ERC2: variants seen among roughly 807,000 people sequenced by gnomAD.
The protein encoded by ERC2 is ERC protein 2.
ERC2 carries 42 observed loss-of-function variants against 114.8 expected under a neutral mutation model. That is an observed-to-expected ratio of 0.37 (90% CI 0.29 to 0.47). The LOEUF (loss-of-function observed/expected upper bound fraction) is 0.47. Among genes scored for constraint, ERC2 ranks in the 20% least tolerant of loss-of-function variants. The pLI, the probability that ERC2 is intolerant of heterozygous loss-of-function variation, is 0.99. For missense variants in ERC2, 939 were observed against 1,150.7 expected, an observed-to-expected ratio of 0.82 and a Z score of 2.66; for synonymous variants, 454 against 425.5, an observed-to-expected ratio of 1.07 and a Z score of -0.82.
chr3:56,031,604 A>C (rs1165291835), intron 7 of ERC2, among the ~76,000 whole-genome samples: 1 of 152,222 alleles, frequency 6.6e-6, no homozygotes, highest in African/African-American at 2.4e-5. Context: ...AATCAGGGAA[A>C]CTTGATACCA....
At chr3:56,436,328 G>T (rs552735778) in intron 1 of ERC2, among the ~76,000 whole-genome samples, 20 of 152,292 alleles carry the variant, frequency 1.3e-4, no homozygotes, top group African/African-American at 4.3e-4. Context: ...GTAAGAAATA[G>T]TAAGATGAGG....
intron 2 of ERC2, among the ~76,000 whole-genome samples, chr3:56,306,020 T>C (rs1189242122): frequency 1.3e-5 from 2 of 152,116 alleles, no homozygotes; most frequent in Non-Finnish European, 2.9e-5. Context: ...GGCTAACTTT[T>C]GTATTTTTAG....
intron 17 of ERC2, among the ~76,000 whole-genome samples, chr3:55,637,746 A>G (rs1186384043): frequency 1.3e-5 from 2 of 152,062 alleles, no homozygotes; most frequent in Non-Finnish European, 2.9e-5. Flanking sequence ...CTCTCTATCG[A>G]GCATCGTCAC....
intron 14 of ERC2, among the ~76,000 whole-genome samples, chr3:55,759,462 TAAAAAAAAAAAAAAA>T (rs540204065): frequency 0.011 from 380 of 36,076 alleles, 9 homozygotes; most frequent in African/African-American, 0.036. Context: ...TCTCTTTCAT[TAAAAAAAAAAAAAAA>T]AAAAAAAAAA....
chr3:55,784,154 T>C (rs2069287291), intron 14 of ERC2, among the ~76,000 whole-genome samples: 2 of 152,102 alleles, frequency 1.3e-5, no homozygotes, highest in Middle Eastern at 3.2e-3. Context: ...AAATTCTTTG[T>C]CTTTTGTTTT....
Position 56,403,467 on chromosome 3 carries a change from G to A in ERC2, c.657+30884C>T, listed in dbSNP as rs903653084. On this transcript the variant is annotated intron_variant, in intron 2 of 17. Coordinates refer to ENST00000288221, the MANE Select transcript of ERC2 (RefSeq NM_015576.3). ...GCAGGTGGTTACCACATGGGACAAT[G>A]CAGATATAGAATATTCCCATCCCTG... 2.0e-5 allele frequency among the ~76,000 whole-genome samples: 3 copies of A among 152,338 alleles called. No individual in the cohort carries two copies. The East Asian group carries it at 5.8e-4, about 29-fold the overall frequency.
intron 15 of ERC2, among the ~76,000 whole-genome samples, chr3:55,705,856 A>T (rs1229074080): frequency 6.7e-6 from 1 of 149,820 alleles, no homozygotes; most frequent in Non-Finnish European, 1.5e-5. Context: ...CTCATTAAGC[A>T]CTTTTATTTT....
intron 15 of ERC2, among the ~76,000 whole-genome samples, chr3:55,708,637 A>G (rs752806918): frequency 2.4e-4 from 36 of 152,348 alleles, no homozygotes; most frequent in Non-Finnish European, 5.1e-4. Flanking sequence ...AGACTCTTCT[A>G]CTACAGTGTG....
intron 2 of ERC2, 28 bp from the exon 3 acceptor site, chr3:56,296,463 G>C (rs911469778): frequency 6.4e-7 from 1 of 1,566,874 alleles, no homozygotes; most frequent in Non-Finnish European, 8.7e-7. Context: ...GAGCGGGAGA[G>C]GAGAAAGAAG....
At chr3:55,755,336 G>T (rs1000547245) in intron 14 of ERC2, among the ~76,000 whole-genome samples, 9 of 152,186 alleles carry the variant, frequency 5.9e-5, no homozygotes, top group African/African-American at 2.2e-4. Context: ...GATGGCAAAT[G>T]CAGGGGATGA....
intron 13 of ERC2, among the ~76,000 whole-genome samples, chr3:55,925,643 G>A (rs1460777798): frequency 1.3e-5 from 2 of 152,108 alleles, no homozygotes; most frequent in African/African-American, 4.8e-5. Context: ...AAATTACAGT[G>A]AGAACTACGC....
chr3:55,832,062 C>G (rs1023367052), intron 14 of ERC2, among the ~76,000 whole-genome samples: 4 of 152,224 alleles, frequency 2.6e-5, no homozygotes, highest in African/African-American at 9.6e-5. Context: ...GAGGGGCGCC[C>G]GCCATTGCCC....
intron 1 of ERC2, among the ~76,000 whole-genome samples, chr3:56,459,997 G>C (rs1296899595): frequency 3.3e-5 from 5 of 152,220 alleles, no homozygotes; most frequent in Non-Finnish European, 7.3e-5. Context: ...GAGGTTAAGA[G>C]CAGAACTTTG....
At chr3:56,393,308 G>A (rs1363368507) in intron 2 of ERC2, among the ~76,000 whole-genome samples, 1 of 152,174 alleles carries the variant, frequency 6.6e-6, no homozygotes, top group Non-Finnish European at 1.5e-5. Flanking sequence ...TGAAGTAGGA[G>A]AATCACTTGA....
In ERC2 at chr3:56,183,896, T is replaced by A. The variant is rs554039019; in HGVS notation, c.1075-10376A>T. Among the ~76,000 whole-genome samples, 14 of 152,214 alleles carry A rather than the reference T, an allele frequency of 9.2e-5. No individual in the cohort carries two copies. The East Asian group carries it at 2.7e-3, about 29-fold the overall frequency. ...ATATATAAAGATATATATAAAAATA[T>A]CTTTATATTCTTATAAAGATATTTG... On this transcript the variant is annotated intron_variant, in intron 3 of 17. Coordinates refer to ENST00000288221, the MANE Select transcript of ERC2 (RefSeq NM_015576.3).
At chr3:55,872,137 T>C (rs2062614585) in intron 14 of ERC2, among the ~76,000 whole-genome samples, 1 of 152,098 alleles carries the variant, frequency 6.6e-6, no homozygotes, top group Non-Finnish European at 1.5e-5. Context: ...TAATTGACAT[T>C]TTAAAAATTA....
intron 12 of ERC2, among the ~76,000 whole-genome samples, chr3:55,966,651 A>T (rs1424895172): frequency 6.6e-6 from 1 of 152,142 alleles, no homozygotes; most frequent in Non-Finnish European, 1.5e-5. Context: ...CTGGAGCTCC[A>T]CCCCAATCTA....
At chr3:55,520,453 T>A (rs112962031) in intron 17 of ERC2, among the ~76,000 whole-genome samples, 2,154 of 102,348 alleles carry the variant, frequency 0.021, 52 homozygotes, top group African/African-American at 0.07. Context: ...AAAAAAAAAA[T>A]CTAAGAAGAG....
At chr3:56,149,317 T>C (rs2081301998) in intron 4 of ERC2, among the ~76,000 whole-genome samples, 185 bp from the exon 5 acceptor site, 2 of 152,164 alleles carry the variant, frequency 1.3e-5, no homozygotes, top group South Asian at 4.1e-4. Context: ...GATGATAGTT[T>C]AAGCTCCCAA....
Sources: allele counts gnomAD v4.1 joint callset (sites outside exome capture counted in the v4.1 genomes callset), GRCh38; gene constraint gnomAD v4.1.1; transcripts MANE v1.5; gene names NCBI Gene and HGNC (gene_info 2026-07-23, HGNC 2026-07-21).